SPATA9: variants seen among roughly 807,000 people sequenced by gnomAD.
SPATA9 encodes spermatogenesis-associated protein 9.
A neutral mutation model predicts 25.5 loss-of-function variants in SPATA9; 27 were observed. The observed-to-expected ratio is 1.06, with a 90% CI of 0.78 to 1.46. The LOEUF (loss-of-function observed/expected upper bound fraction) is 1.46, where lower values mean the gene tolerates loss of function less well. Among genes scored for constraint, SPATA9 ranks in the 40% most tolerant of loss-of-function variants. The pLI, the probability that SPATA9 is intolerant of heterozygous loss-of-function variation, is 0.00. For synonymous variants in SPATA9, 102 were observed against 105.7 expected (o/e 0.97, Z 0.21); for missense variants, 282 against 297.5 (o/e 0.95, Z 0.38).
intron 4 of SPATA9, among the ~76,000 whole-genome samples, chr5:95,660,968 T>G (rs1751201210): frequency 1.3e-5 from 1 of 75,554 alleles, no homozygotes; most frequent in Admixed American, 1.4e-4. Flanking sequence ...CACTCTGTCT[T>G]CTTAGTCAAA....
chr5:95,722,575 C>T, the SPATA9 span, among the ~76,000 whole-genome samples: 9 of 152,250 alleles, frequency 5.9e-5, no homozygotes, highest in East Asian at 1.9e-4. Context: ...ACGCAACCTC[C>T]GCCTCCTGGG....
intron 1 of SPATA9, 37 bp downstream of exon 1, chr5:95,682,757 C>A (rs1418194405): frequency 6.5e-7 from 1 of 1,535,268 alleles, no homozygotes; most frequent in Non-Finnish European, 8.8e-7. Context: ...CAATTGTTCC[C>A]ACACCCATAC....
At chr5:95,698,115 C>T (rs1009732391) in intron 1 of SPATA9, among the ~76,000 whole-genome samples, 5 of 152,020 alleles carry the variant, frequency 3.3e-5, no homozygotes, top group Non-Finnish European at 5.9e-5. Flanking sequence ...TCTTTTGGTA[C>T]ATAATAGAGT....
intron 3 of SPATA9, among the ~76,000 whole-genome samples, chr5:95,669,075 TCA>T (rs1185957231): frequency 1.3e-5 from 2 of 152,214 alleles, no homozygotes; most frequent in African/African-American, 4.8e-5. Flanking sequence ...ACTTAGCAAC[TCA>T]CAACACCTTT....
At chr5:95,665,229 T>A (rs1006637085) in intron 3 of SPATA9, among the ~76,000 whole-genome samples, 3 of 152,220 alleles carry the variant, frequency 2.0e-5, no homozygotes, top group African/African-American at 7.2e-5. Context: ...AGATCCTCTC[T>A]TCTAGCTATT....
Position 95,692,181 on chromosome 5 carries a change from A to C in SPATA9, n.124+6407T>G, listed in dbSNP as rs1753911540. 4.6e-5 allele frequency among the ~76,000 whole-genome samples: 7 copies of C among 152,134 alleles called. No individual in the cohort carries two copies. In the South Asian group the frequency reaches 1.4e-3, roughly 31 times the overall value. Reference sequence around the variant, plus strand: ...AAATTTTTGTGAATATGAATTGAAAAGGTTTGCATCTTTCAGTGGTGCCTG... The same window carrying C: ...AAATTTTTGTGAATATGAATTGAAACGGTTTGCATCTTTCAGTGGTGCCTG... On this transcript the variant is annotated intron_variant and non_coding_transcript_variant, in intron 1 of 2. Coordinates refer to the SPATA9 transcript ENST00000379990.
the SPATA9 span, chr5:95,708,875 C>A: frequency 2.1e-6 from 1 of 479,976 alleles, no homozygotes; most frequent in South Asian, 2.6e-5. Flanking sequence ...TAGGAAGGCA[C>A]GGAGGACATA....
chr5:95,726,049 A>C, the SPATA9 span, among the ~76,000 whole-genome samples: 1 of 152,226 alleles, frequency 6.6e-6, no homozygotes, highest in South Asian at 2.1e-4. Context: ...TACTACACTG[A>C]AACAGAATTT....
At chr5:95,729,733 T>G in the SPATA9 span, among the ~76,000 whole-genome samples, 1 of 152,214 alleles carries the variant, frequency 6.6e-6, no homozygotes, top group Non-Finnish European at 1.5e-5. Context: ...TCTAAGAGTT[T>G]GACTACTTTA....
chr5:95,678,819 T>C (rs1753175741), intron 2 of SPATA9, among the ~76,000 whole-genome samples: 1 of 152,228 alleles, frequency 6.6e-6, no homozygotes, highest in South Asian at 2.1e-4. Context: ...TAATTTATAT[T>C]TGAAGGGTAA....
chr5:95,730,666 C>A, the SPATA9 span, among the ~76,000 whole-genome samples: 35 of 152,162 alleles, frequency 2.3e-4, no homozygotes, highest in Admixed American at 2.2e-3. Flanking sequence ...CCTTTAAAAA[C>A]GATCACACTA....
downstream of SPATA9, chr5:95,654,343 A>G (rs545920984): frequency 2.4e-4 from 379 of 1,608,698 alleles, 4 homozygotes; most frequent in South Asian, 4.1e-3. Context: ...ACTCAGGAGG[A>G]CCTTTACATT....
At chr5:95,652,293 T>C (rs1286258044), downstream of SPATA9, 1 of 1,550,024 alleles carries the variant, frequency 6.5e-7, no homozygotes, top group East Asian at 2.4e-5. Context: ...TTTCAGGAAT[T>C]GTCTTAGACC....
the SPATA9 span, among the ~76,000 whole-genome samples, chr5:95,729,038 G>A: frequency 3.3e-5 from 5 of 152,188 alleles, no homozygotes; most frequent in Non-Finnish European, 7.4e-5. Flanking sequence ...TCTGGGAAAT[G>A]CCCACCCTTT....
At chr5:95,689,831 C>A (rs1317055327) in intron 1 of SPATA9, among the ~76,000 whole-genome samples, 1 of 151,686 alleles carries the variant, frequency 6.6e-6, no homozygotes, top group Non-Finnish European at 1.5e-5. Flanking sequence ...TGGTATATAC[C>A]CACCATGGAA....
At chr5:95,681,710 A>AT (rs1019042247) in intron 2 of SPATA9, among the ~76,000 whole-genome samples, 7 of 152,180 alleles carry the variant, frequency 4.6e-5, no homozygotes, top group Admixed American at 2.0e-4. Flanking sequence ...TAGCTCTAAT[A>AT]TCCCTCCTTT....
chr5:95,690,255 C>A (rs907003270), intron 1 of SPATA9, among the ~76,000 whole-genome samples: 3 of 152,072 alleles, frequency 2.0e-5, no homozygotes, highest in Non-Finnish European at 4.4e-5. Flanking sequence ...TCATCGTAAA[C>A]TCAAGATTTT....
At chr5:95,686,198 T>C (rs1429940828), upstream of SPATA9, among the ~76,000 whole-genome samples, 1 of 152,204 alleles carries the variant, frequency 6.6e-6, no homozygotes, top group Non-Finnish European at 1.5e-5. Flanking sequence ...CTATTCTGAA[T>C]AGTATAGAAT....
chr5:95,714,145 C>T, the SPATA9 span, among the ~76,000 whole-genome samples: 36 of 151,876 alleles, frequency 2.4e-4, no homozygotes, highest in Non-Finnish European at 4.4e-4. Context: ...TATTTTTAGA[C>T]AAAGTTAGCT....
Sources: allele counts gnomAD v4.1 joint callset (sites outside exome capture counted in the v4.1 genomes callset), GRCh38; gene constraint gnomAD v4.1.1; transcripts MANE v1.5; gene names NCBI Gene and HGNC (gene_info 2026-07-23, HGNC 2026-07-21).